Variants in FBXW8 observed in about 807,000 individuals in gnomAD.
The protein encoded by FBXW8 is F-box and WD repeat domain containing 8, also known as F-box/WD repeat-containing protein 8.
In FBXW8, 57 loss-of-function variants were observed where a neutral mutation model predicts 65.3. That is an observed-to-expected ratio of 0.87 (90% CI 0.71 to 1.09). The LOEUF (loss-of-function observed/expected upper bound fraction) is 1.09. Among genes scored for constraint, FBXW8 ranks in the 50% least tolerant of loss-of-function variants. FBXW8 has a pLI of 0.00. For synonymous variants in FBXW8, 308 were observed against 330.2 expected, an observed-to-expected ratio of 0.93 and a Z score of 0.73; for missense variants, 777 against 814.8, an observed-to-expected ratio of 0.95 and a Z score of 0.57.
chr12:117,020,842 G>T (rs1457326205), intron 8 of FBXW8, among the ~76,000 whole-genome samples: 1 of 152,188 alleles, frequency 6.6e-6, no homozygotes, highest in East Asian at 1.9e-4. Flanking sequence ...GCTCAGCAGT[G>T]CCCTTAAAAG....
At chr12:117,017,494 G>A (rs189237263) in intron 8 of FBXW8, among the ~76,000 whole-genome samples, 199 of 152,230 alleles carry the variant, frequency 1.3e-3, no homozygotes, top group Middle Eastern at 6.8e-3. Flanking sequence ...TCTAGTTGCC[G>A]TTTAAAATGA....
intron 8 of FBXW8, among the ~76,000 whole-genome samples, chr12:117,012,206 G>T (rs1002988226): frequency 8.4e-6 from 1 of 119,532 alleles, no homozygotes; most frequent in African/African-American, 3.9e-5. Flanking sequence ...GGTGTTCCAT[G>T]CATAGTGTCA....
At chr12:117,018,326 C>T (rs914289493) in intron 8 of FBXW8, among the ~76,000 whole-genome samples, 6 of 152,226 alleles carry the variant, frequency 3.9e-5, no homozygotes, top group Non-Finnish European at 7.3e-5. Context: ...ATGAAATACT[C>T]GCTAGATGGG....
At chr12:116,972,811 C>T (rs1884715320) in intron 5 of FBXW8, among the ~76,000 whole-genome samples, 1 of 152,080 alleles carries the variant, frequency 6.6e-6, no homozygotes, top group Non-Finnish European at 1.5e-5. Context: ...ACATGTATGT[C>T]GTATGTATAT....
intron 4 of FBXW8, among the ~76,000 whole-genome samples, chr12:116,962,974 G>A (rs1456588641): frequency 2.0e-5 from 3 of 152,198 alleles, no homozygotes; most frequent in Non-Finnish European, 4.4e-5. Flanking sequence ...CAGTGGCCGT[G>A]CTTTGGCTGG....
rs185629665 is a variant in FBXW8, at chr12:116,945,678, C to A, written c.588+150C>A. On this transcript the variant is annotated intron_variant, in intron 3 of 10. Transcript: ENST00000652555. ...CCTTCAGCTGTTGGTGACTTGTTGC[C>A]CATTTTGTTCACCATTAGATGATCT... 7 of 681,668 alleles carry A rather than the reference C, an allele frequency of 1.0e-5. No homozygotes were observed. The Admixed American group carries it at 1.3e-4, about 12-fold the overall frequency. The allele number at this position is 681,668 out of a possible 1,614,324, so 42.2% of individuals were successfully genotyped here.
chr12:116,916,911 T>TGTGTGTGTGTGTGTGAGA (rs59006120), intron 1 of FBXW8, among the ~76,000 whole-genome samples: 2 of 145,620 alleles, frequency 1.4e-5, no homozygotes, highest in Admixed American at 7.0e-5. Context: ...TGTGTGTGTG[T>TGTGTGTGTGTGTGTGAGA]GAGAGAGAGA....
chr12:116,913,770 CTG>C (rs1880188236), intron 1 of FBXW8, among the ~76,000 whole-genome samples: 1 of 152,130 alleles, frequency 6.6e-6, no homozygotes, highest in Non-Finnish European at 1.5e-5. Context: ...GTTCAAGGGT[CTG>C]TAGTATTCTG....
intron 8 of FBXW8, among the ~76,000 whole-genome samples, chr12:117,016,839 C>A (rs1201408671): frequency 1.3e-5 from 2 of 152,182 alleles, no homozygotes; most frequent in African/African-American, 4.8e-5. Flanking sequence ...AAACTTCATT[C>A]TTTTCCATGT....
chr12:116,911,860 C>T (rs947077823), intron 1 of FBXW8, among the ~76,000 whole-genome samples: 19 of 151,926 alleles, frequency 1.3e-4, no homozygotes, highest in African/African-American at 4.4e-4. Context: ...TAACCGTGCA[C>T]GTATTCAAAA....
At chr12:117,001,534 T>A (rs1953519892) in intron 7 of FBXW8, among the ~76,000 whole-genome samples, 1 of 152,220 alleles carries the variant, frequency 6.6e-6, no homozygotes, top group Admixed American at 6.5e-5. Context: ...AACCTTTTCA[T>A]TTTCAAAATA....
At chr12:116,989,579 T>C (rs1452614054) in intron 7 of FBXW8, among the ~76,000 whole-genome samples, 1 of 152,196 alleles carries the variant, frequency 6.6e-6, no homozygotes, top group African/African-American at 2.4e-5. Context: ...ATTCTTTGAG[T>C]GATGACTAAA....
chr12:117,027,385 G>A lies in FBXW8; in HGVS notation c.1542-9G>A. The A allele has an allele frequency of 6.2e-7, 1 of 1,613,350 alleles. No homozygotes were observed. Among genetic ancestry groups the A allele is most frequent in the Non-Finnish European group, 8.5e-7 (1 of 1,179,574 alleles). On this transcript the variant is annotated splice_polypyrimidine_tract_variant and intron_variant, in intron 9 of 10. Coordinates refer to ENST00000652555, the MANE Select transcript of FBXW8 (RefSeq NM_153348.3). Reference sequence around the variant, plus strand: ...GCCCCCTTACGAGCTCTCTCCCACTGCCTTCCAGGCACCCGGTGCAGCACA... The same window carrying A: ...GCCCCCTTACGAGCTCTCTCCCACTACCTTCCAGGCACCCGGTGCAGCACA...
rs1882161612 is a variant in FBXW8 at position 116,936,402 on chromosome 12, A to C, written c.423+8275A>C. 6.6e-6 allele frequency among the ~76,000 whole-genome samples: 1 copy of C among 152,208 alleles called. No homozygotes were observed. The highest frequency in any genetic ancestry group is 2.1e-4 in the South Asian group (1 of 4,818). On this transcript the variant is annotated intron_variant, in intron 2 of 10. Transcript: ENST00000652555. This position sits in a 1 kb window ranked among gnomAD's most constrained non-coding sequence, Gnocchi z 4.6. ...GAATCCCACCAGTATGTTACCTTTC[A>C]TGATAAAACGCCCTTTGCCGATGTG...
At chr12:117,013,166 C>A (rs1953867304) in intron 8 of FBXW8, among the ~76,000 whole-genome samples, 1 of 152,102 alleles carries the variant, frequency 6.6e-6, no homozygotes, top group Admixed American at 6.5e-5. Context: ...CGCTTGAACC[C>A]AGGAGGCGGA....
rs186364302 is a variant in FBXW8 at position 117,024,167 on chromosome 12, G to A, written c.1388G>A (p.Arg463His). 44 of 1,613,988 alleles carry A rather than the reference G, an allele frequency of 2.7e-5. No homozygotes were observed. In the East Asian group the frequency reaches 4.2e-4, roughly 16 times the overall value. ...TCCAGGGTGAGGATCCACGACCTCC[G>A]CAGTGGTAACATCGCCCTGTCGCTC... ...MDGRVRIHDL[R>H]SGNIALSLSA... Residue 463 changes from arginine (R) to histidine (H), a missense_variant, in exon 9 of 11, where the codon CGC becomes CAC. Coordinates refer to ENST00000652555, the MANE Select transcript of FBXW8 (RefSeq NM_153348.3).
At chr12:116,925,584 A>G (rs191569798) in intron 1 of FBXW8, among the ~76,000 whole-genome samples, 1 of 152,118 alleles carries the variant, frequency 6.6e-6, no homozygotes, top group Non-Finnish European at 1.5e-5. Context: ...GGTCATCTAC[A>G]TGAAAGTCTG....
intron 7 of FBXW8, among the ~76,000 whole-genome samples, chr12:117,008,827 G>C (rs940176175): frequency 2.6e-5 from 4 of 152,240 alleles, no homozygotes; most frequent in East Asian, 3.8e-4. Flanking sequence ...GAGGCCAGGC[G>C]TGCTGGCTCA....
intron 9 of FBXW8, 25 bp from the exon 10 acceptor site, chr12:117,027,369 C>A (rs376569151): frequency 1.9e-6 from 3 of 1,598,272 alleles, no homozygotes; most frequent in East Asian, 4.5e-5. Flanking sequence ...CGCCCCCTTA[C>A]GAGCTCTCTC....
Sources: gnomAD v4.1 joint callset for allele counts (sites outside exome capture counted in the v4.1 genomes callset) on GRCh38, gnomAD v4.1.1 for gene constraint, Gnocchi (gnomAD v3.1) non-coding constraint, MANE v1.5 for transcripts, NCBI Gene and HGNC (gene_info 2026-07-23, HGNC 2026-07-21) for gene names.